Variants in PXN observed in about 807,000 individuals in gnomAD.
PXN encodes paxillin, also known as testicular tissue protein Li 134.
PXN carries 61 observed loss-of-function variants against 103.6 expected under a neutral mutation model. That is an observed-to-expected ratio of 0.59 (90% CI 0.48 to 0.73). The LOEUF (loss-of-function observed/expected upper bound fraction) is 0.73. Ranked by LOEUF, PXN falls within the 30% of genes least tolerant of loss-of-function variation. The probability of loss-of-function intolerance (pLI) is 0.00; values close to 1 mark genes in which losing one functional copy is unlikely to be tolerated. For missense variants in PXN, 1,274 were observed against 1,460.3 expected (o/e 0.87, Z 2.08); for synonymous variants, 562 against 607.8 (o/e 0.92, Z 1.11).
chr12:120,224,221 G>T lies in PXN; in HGVS notation c.170C>A (p.Ala57Asp). 1 of 1,608,950 alleles carries T rather than the reference G, an allele frequency of 6.2e-7. No homozygotes were observed. The highest frequency in any genetic ancestry group is 8.5e-7 in the Non-Finnish European group (1 of 1,175,926). The change falls in exon 2 of 15, where the codon GCC (alanine) becomes GAC (aspartate). Residue 57 changes from alanine (A) to aspartate (D), a missense_variant. Transcript: ENST00000637617. This position sits in a 1 kb window ranked among gnomAD's most constrained non-coding sequence, Gnocchi z 5.0. Reference sequence around the variant, plus strand: ...GGGGTCAAGGATTGTGCCATTGAGGGCCTCGCTGGACGGGGGTGGGGGGAC... The same window carrying T: ...GGGGTCAAGGATTGTGCCATTGAGGTCCTCGCTGGACGGGGGTGGGGGGAC... Reference protein sequence around the residue: ...PPVPPPPSSEALNGTILDPLD... With the variant: ...PPVPPPPSSEDLNGTILDPLD...
intron 1 of PXN, among the ~76,000 whole-genome samples, chr12:120,258,441 G>GA (rs1566438402): frequency 6.6e-6 from 1 of 152,040 alleles, no homozygotes; most frequent in Non-Finnish European, 1.5e-5. Context: ...TGTCACCTGA[G>GA]GCCCCCCCAG....
chr12:120,245,826 A>G (rs1243793374), intron 1 of PXN, among the ~76,000 whole-genome samples: 2 of 151,826 alleles, frequency 1.3e-5, no homozygotes, highest in Non-Finnish European at 2.9e-5. Context: ...GAAATATTAT[A>G]GTAAATTTGT....
At position 120,216,003 on chromosome 12, in the gene PXN, G is replaced by T. The variant is rs534794687; in HGVS notation, c.2301+270C>A. The stretch of plus-strand genomic sequence containing the variant: ...CCCTTCTGGAGTGGCTTCTTTCCTC[G>T]ATGGGAGCCCGGGGCAGTACTGAGG... On this transcript the variant is annotated intron_variant, in intron 9 of 14. Transcript: ENST00000637617. The surrounding 1 kb of genome is among the most constrained non-coding windows in gnomAD (Gnocchi z 5.1). 1 of 1,359,706 alleles carries T rather than the reference G, an allele frequency of 7.4e-7. No homozygotes were observed. The highest frequency in any genetic ancestry group is 2.0e-5 in the South Asian group (1 of 50,834). 84.2% of individuals were successfully genotyped at this position (1,359,706 alleles called of 1,614,324 possible).
Position 120,211,647 on chromosome 12 carries a change from G to A in PXN, c.*667C>T, listed in dbSNP as rs974138035. 1.7e-5 allele frequency: 5 copies of A among 297,142 alleles called. No homozygotes were observed. The highest frequency in any genetic ancestry group is 7.8e-5 in the East Asian group (1 of 12,834). The allele number at this position is 297,142 out of a possible 1,614,324, so 18.4% of individuals were successfully genotyped here. Reference sequence around the variant, plus strand: ...TGTCCAGGCACGCCGTCCCGGAGACGGAGGAAGTGACTAGAAAACATTATT... The same window carrying A: ...TGTCCAGGCACGCCGTCCCGGAGACAGAGGAAGTGACTAGAAAACATTATT... On this transcript the variant is annotated 3_prime_UTR_variant, in exon 15 of 15. Transcript: ENST00000637617.
At position 120,223,709 on chromosome 12, in the gene PXN, G is replaced by A. The variant is rs1385371999; in HGVS notation, c.356+9C>T. 3 of 1,561,568 alleles carry A rather than the reference G, an allele frequency of 1.9e-6. No individual in the cohort carries two copies. Among genetic ancestry groups the A allele is most frequent in the Non-Finnish European group, 2.6e-6 (3 of 1,147,740 alleles). On this transcript the variant is annotated intron_variant, in intron 3 of 14. Transcript: ENST00000637617. ...GAGGGAAGGTGCCCTGGGCAGACTG[G>A]GGCAGTACCTGTAGACGTGCTCCTC...
chr12:120,248,929 G>A (rs1422580437), intron 1 of PXN, among the ~76,000 whole-genome samples: 1 of 152,112 alleles, frequency 6.6e-6, no homozygotes, highest in Non-Finnish European at 1.5e-5. Flanking sequence ...CTGAGGTCAG[G>A]AGTTTGAGAC....
intron 1 of PXN, among the ~76,000 whole-genome samples, chr12:120,234,678 T>C (rs1195685277): frequency 6.6e-6 from 1 of 152,182 alleles, no homozygotes; most frequent in African/African-American, 2.4e-5. Flanking sequence ...CGCCACTCAC[T>C]AGCCTGGGTG....
chr12:120,227,019 C>T (rs2136371406), intron 1 of PXN: 1 of 986,762 alleles, frequency 1.0e-6, no homozygotes, highest in South Asian at 4.6e-5. Context: ...AGGTCTTCCT[C>T]CAAGGAGAGC....
At chr12:120,261,228 C>A (rs1476795924) in intron 1 of PXN, among the ~76,000 whole-genome samples, 1 of 152,026 alleles carries the variant, frequency 6.6e-6, no homozygotes, top group African/African-American at 2.4e-5. Context: ...AAGAAAAGTA[C>A]CCCCTAGGCC....
At chr12:120,233,651 G>A (rs1253104512) in intron 1 of PXN, among the ~76,000 whole-genome samples, 1 of 152,146 alleles carries the variant, frequency 6.6e-6, no homozygotes, top group African/African-American at 2.4e-5. Flanking sequence ...TGCAGAGCAA[G>A]GGGTGGAGTT....
chr12:120,219,607 C>A lies in PXN; in HGVS notation c.1316G>T (p.Trp439Leu), dbSNP rs1289905022. The change falls in exon 7 of 15, where the codon TGG (tryptophan) becomes TTG (leucine). Residue 439 changes from tryptophan (W) to leucine (L), a missense_variant. Physicochemically the swap from Trp to Leu is moderately conservative, Grantham distance 61. This residue lies in a region of PXN where 1,178 missense variants were observed against 1,309.0 expected (regional missense o/e 0.90). Coordinates refer to ENST00000637617, the MANE Select transcript of PXN (RefSeq NM_001385981.1). The surrounding 1 kb of genome is among the most constrained non-coding windows in gnomAD (Gnocchi z 6.5). ...CTCAGGCCCGAATACCTCCGAAGCC[C>A]ATGGCTGCTCCCATGTGGCAGCCAA... ...EALAATWEQP[W>L]ASEVFGPERM... The A allele has an allele frequency of 6.4e-7, 1 of 1,565,846 alleles. No individual in the cohort carries two copies. The highest frequency in any genetic ancestry group is 8.6e-7 in the Non-Finnish European group (1 of 1,163,484).
chr12:120,221,529 A>C lies in PXN; in HGVS notation c.831+94T>G. Reference sequence around the variant, plus strand: ...TCAGGGGCAAGGCACCCAAACACTGAGATGCCAAGATCCAGCTACCCACAC... The same window carrying C: ...TCAGGGGCAAGGCACCCAAACACTGCGATGCCAAGATCCAGCTACCCACAC... On this transcript the variant is annotated intron_variant, in intron 6 of 14. Transcript: ENST00000637617. The surrounding 1 kb of genome is among the most constrained non-coding windows in gnomAD (Gnocchi z 6.6). 1 of 1,379,254 alleles carries C rather than the reference A, an allele frequency of 7.3e-7. No homozygotes were observed. Among genetic ancestry groups the C allele is most frequent in the Non-Finnish European group, 9.8e-7 (1 of 1,021,354 alleles). 85.4% of individuals were successfully genotyped at this position (1,379,254 alleles called of 1,614,324 possible). A position where few individuals can be genotyped will look rare whatever the true frequency, so the allele number is the denominator to read the frequency against.
chr12:120,248,412 C>A (rs1297148203), intron 1 of PXN, among the ~76,000 whole-genome samples: 1 of 151,836 alleles, frequency 6.6e-6, no homozygotes, highest in Non-Finnish European at 1.5e-5. Context: ...GCCCCCACTG[C>A]CCTCAGCAGA....
chr12:120,217,098 T>A lies in PXN; in HGVS notation c.1735A>T (p.Arg579Trp), dbSNP rs1430766858. The A allele has an allele frequency of 6.3e-7, 1 of 1,589,820 alleles. No individual in the cohort carries two copies. The highest frequency in any genetic ancestry group is 1.7e-5 in the Admixed American group (1 of 58,876). ...TSGQIRSVIR[R>W]SWESGHAHPM... is the part of the protein sequence containing the mutation. ...TGTGCGTGGCCAGACTCCCAGCTCCTCCTGATCACAGATCGGATCTAGGGG... is the reference window on the plus strand; with the variant it reads ...TGTGCGTGGCCAGACTCCCAGCTCCACCTGATCACAGATCGGATCTAGGGG... The change falls in exon 8 of 15, where the codon AGG (arginine) becomes TGG (tryptophan). Residue 579 changes from arginine (R) to tryptophan (W), a missense_variant. By Grantham distance (101) the Arg-to-Trp change is moderately radical. Around this residue, in one of 2 missense-constraint regions of PXN, gnomAD observed 1,178 missense variants for 1,309.0 expected, o/e 0.90. Transcript: ENST00000637617. The surrounding 1 kb of genome is among the most constrained non-coding windows in gnomAD (Gnocchi z 4.1).
chr12:120,230,958 G>T (rs911064853), intron 1 of PXN, among the ~76,000 whole-genome samples: 1 of 152,212 alleles, frequency 6.6e-6, no homozygotes, highest in African/African-American at 2.4e-5. Context: ...CAGAGAGCAG[G>T]GGCCTTGTCG....
chr12:120,223,429 G>A (rs758782028), intron 3 of PXN, among the ~76,000 whole-genome samples: 4 of 150,822 alleles, frequency 2.7e-5, no homozygotes, highest in South Asian at 2.1e-4. Flanking sequence ...GTGACAGAGC[G>A]AGACCCCGTC....
At position 120,216,438 on chromosome 12, in the gene PXN, G is replaced by C. The variant is rs140854897; in HGVS notation, c.2136C>G (p.Pro712=). The C allele has an allele frequency of 3.2e-3, 4,404 of 1,378,922 alleles. 15 individuals carry two copies. The highest frequency in any genetic ancestry group is 7.0e-3 in the South Asian group (397 of 56,916). 85.4% of individuals were successfully genotyped at this position (1,378,922 alleles called of 1,614,324 possible). ...CACAGGTATAAGCTGAGGGCCCCAG[G>C]GGGGAGGAGGCGAGCAGGCTGGGCA... is the stretch of plus-strand genomic sequence containing the variant. ...SPLPSLLASS[P]LGPSAYTCGS... The change falls in exon 9 of 15, where the codon CCC becomes CCG. Residue 712 remains proline (P), a synonymous_variant. Coordinates refer to ENST00000637617, the MANE Select transcript of PXN (RefSeq NM_001385981.1). This position sits in a 1 kb window ranked among gnomAD's most constrained non-coding sequence, Gnocchi z 5.1.
chr12:120,220,913 T>C lies in PXN; in HGVS notation c.831+710A>G, dbSNP rs1202137773. Among the ~76,000 whole-genome samples, 1 of 152,190 alleles carries C rather than the reference T, an allele frequency of 6.6e-6. No individual in the cohort carries two copies. Reference sequence around the variant, plus strand: ...AGCTGACCCACGTGGAAGTATGAAGTCAGCAGCTGCTGGTGAGTTCTGTCA... The same window carrying C: ...AGCTGACCCACGTGGAAGTATGAAGCCAGCAGCTGCTGGTGAGTTCTGTCA... On this transcript the variant is annotated intron_variant, in intron 6 of 14. Coordinates refer to ENST00000637617, the MANE Select transcript of PXN (RefSeq NM_001385981.1). The surrounding 1 kb of genome is among the most constrained non-coding windows in gnomAD (Gnocchi z 6.1).
Position 120,211,667 on chromosome 12 carries a change from A to G in PXN, c.*647T>C, listed in dbSNP as rs763556842. The G allele has an allele frequency of 5.7e-5, 18 of 313,204 alleles. 1 individual carries two copies. The highest frequency in any genetic ancestry group is 1.0e-4 in the Non-Finnish European group (16 of 155,742). 19.4% of individuals were successfully genotyped at this position (313,204 alleles called of 1,614,324 possible). ...GAGACGGAGGAAGTGACTAGAAAACATTATTGCTGGAGAGGCTTTTCTCAG... is the reference window on the plus strand; with the variant it reads ...GAGACGGAGGAAGTGACTAGAAAACGTTATTGCTGGAGAGGCTTTTCTCAG... On this transcript the variant is annotated 3_prime_UTR_variant, in exon 15 of 15. Transcript: ENST00000637617.
Sources: gnomAD v4.1 joint callset for allele counts (sites outside exome capture counted in the v4.1 genomes callset) on GRCh38, gnomAD v4.1.1 for gene constraint, gnomAD v4.1.1 regional missense constraint, Gnocchi (gnomAD v3.1) non-coding constraint, MANE v1.5 for transcripts, NCBI Gene and HGNC (gene_info 2026-07-23, HGNC 2026-07-21) for gene names.